The following RUNX1 variants were observed in gnomAD, a reference collection of about 807,000 sequenced individuals.
RUNX1 encodes runt-related transcription factor 1.
In RUNX1, 19 loss-of-function variants were observed where a neutral mutation model predicts 42.8. The observed-to-expected ratio is 0.44, with a 90% CI of 0.31 to 0.65. The LOEUF is 0.65. RUNX1 is among the 30% of genes least tolerant of loss of function. The pLI, the probability that RUNX1 is intolerant of heterozygous loss-of-function variation, is 0.07. For missense variants in RUNX1, 528 were observed against 672.0 expected, an observed-to-expected ratio of 0.79 and a Z score of 2.37; for synonymous variants, 271 against 289.4, an observed-to-expected ratio of 0.94 and a Z score of 0.64.
At chr21:34,797,927 G>A (rs2056552906) in intron 8 of RUNX1, 2 of 434,172 alleles carry the variant, frequency 4.6e-6, no homozygotes, top group South Asian at 3.2e-5. Context: ...AGAGGCCAAG[G>A]ATGCTGCTAA....
chr21:34,868,780 C>T (rs2057698128), intron 5 of RUNX1, among the ~76,000 whole-genome samples: 2 of 152,236 alleles, frequency 1.3e-5, no homozygotes. Flanking sequence ...TGTGGGTTCT[C>T]TTTGGCTGAC....
intron 2 of RUNX1, among the ~76,000 whole-genome samples, chr21:34,931,880 CCT>C (rs1450491683): frequency 6.6e-6 from 1 of 151,910 alleles, no homozygotes; most frequent in African/African-American, 2.4e-5. Flanking sequence ...TTCAAAGCGC[CCT>C]GAGAAGTCTG....
chr21:34,939,391 A>G (rs2058510090), intron 2 of RUNX1, among the ~76,000 whole-genome samples: 2 of 152,224 alleles, frequency 1.3e-5, no homozygotes, highest in South Asian at 2.1e-4. Context: ...AGCTTTATCT[A>G]CTACTAAAAT....
At chr21:34,794,151 A>G (rs2056491693) in intron 8 of RUNX1, among the ~76,000 whole-genome samples, 1 of 152,108 alleles carries the variant, frequency 6.6e-6, no homozygotes, top group Non-Finnish European at 1.5e-5. Context: ...ATGCACAAAT[A>G]TGTTACTACT....
At chr21:35,010,720 G>A (rs972586174) in intron 2 of RUNX1, among the ~76,000 whole-genome samples, 1 of 151,804 alleles carries the variant, frequency 6.6e-6, no homozygotes, top group African/African-American at 2.4e-5. Context: ...TGTGCAACTC[G>A]CTGCCAGCAC....
intron 3 of RUNX1, chr21:34,888,648 C>T (rs781240902): frequency 2.8e-5 from 29 of 1,050,974 alleles, no homozygotes; most frequent in Middle Eastern, 8.6e-4. Context: ...TGGCTGGGTC[C>T]GGCCGCGGGG....
chr21:34,854,155 C>A (rs1001093775), intron 6 of RUNX1, among the ~76,000 whole-genome samples: 8 of 152,160 alleles, frequency 5.3e-5, no homozygotes, highest in Non-Finnish European at 7.4e-5. Flanking sequence ...ACTTGAAGCA[C>A]ATTCTCCATA....
intron 2 of RUNX1, among the ~76,000 whole-genome samples, chr21:34,921,939 A>C (rs944536975): frequency 6.6e-6 from 1 of 152,148 alleles, no homozygotes; most frequent in Admixed American, 6.5e-5. Context: ...AGGCCTACAT[A>C]ATTGATTTTT....
chr21:34,821,462 C>A (rs2056906958), intron 7 of RUNX1: 1 of 1,391,228 alleles, frequency 7.2e-7, no homozygotes, highest in South Asian at 1.7e-5. Context: ...TCACAATTGT[C>A]CCATGTGTTA....
In RUNX1 at chr21:34,909,588, C is replaced by CAAAAAAAAA. The variant is rs10584066; in HGVS notation, c.59-16634_59-16626dup. Among the ~76,000 whole-genome samples, 98 of 75,020 alleles carry CAAAAAAAAA rather than the reference C, an allele frequency of 1.3e-3. 8 individuals are homozygous for CAAAAAAAAA. Among genetic ancestry groups the CAAAAAAAAA allele is most frequent in the African/African-American group, 5.6e-3 (89 of 16,002 alleles). 49.2% of individuals were successfully genotyped at this position (75,020 alleles called of 152,430 possible). On this transcript the variant is annotated intron_variant, in intron 2 of 8. Transcript: ENST00000675419. The stretch of plus-strand genomic sequence containing the variant: ...TTATACAGACCAGGTCACTGTTCCT[C>CAAAAAAAAA]AAAAAAAAAAAAAAAAAAAAGATGG...
intron 6 of RUNX1, among the ~76,000 whole-genome samples, chr21:34,839,229 A>G (rs2057193620): frequency 6.6e-6 from 1 of 151,608 alleles, no homozygotes; most frequent in African/African-American, 2.4e-5. Context: ...AAACACACAC[A>G]CTCTCAACAC....
chr21:34,847,330 G>C (rs1390666695), intron 6 of RUNX1, among the ~76,000 whole-genome samples: 1 of 152,114 alleles, frequency 6.6e-6, no homozygotes, highest in African/African-American at 2.4e-5. Context: ...TGGATTCACA[G>C]TGGGGTCTGA....
At chr21:34,868,529 G>A (rs1443854871) in intron 5 of RUNX1, among the ~76,000 whole-genome samples, 1 of 152,120 alleles carries the variant, frequency 6.6e-6, no homozygotes, top group Non-Finnish European at 1.5e-5. Context: ...AACAGGCCAG[G>A]TGCTCCTTCC....
At chr21:35,018,697 C>T (rs2059177063) in intron 2 of RUNX1, among the ~76,000 whole-genome samples, 1 of 152,070 alleles carries the variant, frequency 6.6e-6, no homozygotes, top group Non-Finnish European at 1.5e-5. Flanking sequence ...GTGGATGATC[C>T]TTTTGTTTGA....
rs969040294 is a variant in RUNX1 at position 34,966,295 on chromosome 21, G to A, written c.59-73332C>T. On this transcript the variant is annotated intron_variant, in intron 2 of 8. Transcript: ENST00000675419. ...TAATTAAAATAATAATAAATGATAAGCAAACATTTTTCAAGGGTTTACTAA... is the reference window on the plus strand; with the variant it reads ...TAATTAAAATAATAATAAATGATAAACAAACATTTTTCAAGGGTTTACTAA... Among the ~76,000 whole-genome samples, 6 of 152,178 alleles carry A rather than the reference G, an allele frequency of 3.9e-5. No homozygotes were observed. In the East Asian group the frequency reaches 7.7e-4, roughly 20 times the overall value.
intron 2 of RUNX1, among the ~76,000 whole-genome samples, chr21:35,010,273 A>G (rs2059116080): frequency 6.6e-6 from 1 of 152,198 alleles, no homozygotes; most frequent in Non-Finnish European, 1.5e-5. Context: ...ATTTTTAAAA[A>G]CATATCCAAT....
chr21:34,930,048 A>G (rs1345868315), intron 2 of RUNX1, among the ~76,000 whole-genome samples: 2 of 150,802 alleles, frequency 1.3e-5, no homozygotes, highest in African/African-American at 4.9e-5. Flanking sequence ...CTCTCTCTCC[A>G]TATATATACA....
At chr21:35,024,260 C>G (rs6517270) in intron 2 of RUNX1, among the ~76,000 whole-genome samples, 152,320 of 152,320 alleles carry the variant, frequency 1, 76,160 homozygotes, top group Non-Finnish European at 1. Context: ...GGCTGGAGCA[C>G]CCATTTTGAG....
At chr21:34,876,374 A>C (rs1296380199) in intron 5 of RUNX1, among the ~76,000 whole-genome samples, 1 of 152,228 alleles carries the variant, frequency 6.6e-6, no homozygotes, top group Non-Finnish European at 1.5e-5. Context: ...TCATTTGTAC[A>C]TGTATTTATT....
Sources: gnomAD v4.1 joint callset for allele counts (sites outside exome capture counted in the v4.1 genomes callset) on GRCh38, gnomAD v4.1.1 for gene constraint, MANE v1.5 for transcripts, NCBI Gene and HGNC (gene_info 2026-07-23, HGNC 2026-07-21) for gene names.